Variants in IQUB observed in about 807,000 individuals in gnomAD.
IQUB encodes IQ motif and ubiquitin-like domain-containing protein.
IQUB carries 86 observed loss-of-function variants against 86.4 expected under a neutral mutation model. The ratio of observed to expected loss-of-function variants is 1.00; its 90% CI spans 0.84 to 1.19. The LOEUF is 1.19. Among genes scored for constraint, IQUB ranks in the 50% most tolerant of loss-of-function variants. The pLI is 0.00. For synonymous variants in IQUB, 289 were observed against 304.5 expected, an observed-to-expected ratio of 0.95 and a Z score of 0.53; for missense variants, 946 against 916.9, an observed-to-expected ratio of 1.03 and a Z score of -0.41.
chr7:123,522,507 T>C (rs1251599419), intron 1 of IQUB, among the ~76,000 whole-genome samples: 1 of 152,202 alleles, frequency 6.6e-6, no homozygotes, highest in Non-Finnish European at 1.5e-5. Context: ...AACATCAAAG[T>C]TTCTTCCAAG....
At chr7:123,489,344 T>G (rs893780545) in intron 7 of IQUB, among the ~76,000 whole-genome samples, 1 of 152,156 alleles carries the variant, frequency 6.6e-6, no homozygotes, top group African/African-American at 2.4e-5. Flanking sequence ...TGAAGTGATG[T>G]GCAGGTTTTC....
chr7:123,527,332 A>G (rs1797279336), intron 1 of IQUB, among the ~76,000 whole-genome samples: 1 of 152,194 alleles, frequency 6.6e-6, no homozygotes, highest in African/African-American at 2.4e-5. Context: ...GTCATTCTCC[A>G]TCCAGCTTTG....
At chr7:123,470,251 G>T (rs1019732653) in intron 8 of IQUB, among the ~76,000 whole-genome samples, 72 of 152,312 alleles carry the variant, frequency 4.7e-4, no homozygotes, top group Non-Finnish European at 6.8e-4. Flanking sequence ...AAATTTCACA[G>T]TGAACACTTA....
At chr7:123,513,252 C>A (rs1796507804) in intron 1 of IQUB, among the ~76,000 whole-genome samples, 1 of 152,142 alleles carries the variant, frequency 6.6e-6, no homozygotes, top group African/African-American at 2.4e-5. Context: ...ATGGAAATAT[C>A]TGCAATAAAA....
At chr7:123,468,554 T>C (rs559262714) in intron 9 of IQUB, among the ~76,000 whole-genome samples, 32 of 152,360 alleles carry the variant, frequency 2.1e-4, no homozygotes, top group African/African-American at 7.0e-4. Flanking sequence ...GTGGTCAAAA[T>C]TGTCCTGGCC....
chr7:123,454,316 TTATGA>T (rs1223316910), intron 12 of IQUB, among the ~76,000 whole-genome samples: 8 of 152,060 alleles, frequency 5.3e-5, no homozygotes, highest in Admixed American at 3.3e-4. Context: ...ATGAGATAAA[TTATGA>T]TATATGTGTT....
chr7:123,469,611 T>G (rs1156738467), intron 8 of IQUB, among the ~76,000 whole-genome samples: 2 of 152,188 alleles, frequency 1.3e-5, no homozygotes, highest in Non-Finnish European at 2.9e-5. Flanking sequence ...TTCATACACT[T>G]CTACAATATT....
At position 123,455,034 on chromosome 7, in the gene IQUB, T is replaced by C. The variant is rs141531799; in HGVS notation, c.2194-2109A>G. Among the ~76,000 whole-genome samples, 191 of 152,290 alleles carry C rather than the reference T, an allele frequency of 1.3e-3. 1 individual carries two copies. The highest frequency in any genetic ancestry group is 4.2e-3 in the African/African-American group (176 of 41,592). On this transcript the variant is annotated intron_variant, in intron 12 of 12. Transcript: ENST00000324698. ...CATCTCCTTAAGAGTGGAGAGTATC[T>C]ACATAAATTATTTGGAATTCTACAT...
At chr7:123,466,741 G>A (rs527255639) in intron 9 of IQUB, among the ~76,000 whole-genome samples, 1 of 152,130 alleles carries the variant, frequency 6.6e-6, no homozygotes, top group African/African-American at 2.4e-5. Context: ...TCTCAGGTTT[G>A]TAATCATGTA....
intron 1 of IQUB, among the ~76,000 whole-genome samples, chr7:123,522,631 CTAA>C (rs1796958876): frequency 6.6e-6 from 1 of 152,060 alleles, no homozygotes; most frequent in Non-Finnish European, 1.5e-5. Context: ...TTCCAAATGG[CTAA>C]TGATAATTAT....
chr7:123,481,568 C>A (rs1205928079), intron 7 of IQUB, among the ~76,000 whole-genome samples: 9 of 152,012 alleles, frequency 5.9e-5, no homozygotes, highest in Admixed American at 5.9e-4. Context: ...GCAGATACTA[C>A]CAAATAAATG....
rs986217972 is a variant in IQUB at position 123,499,317 on chromosome 7, C to T, written c.1024-2411G>A. Among the ~76,000 whole-genome samples, 3 of 151,944 alleles carry T rather than the reference C, an allele frequency of 2.0e-5. No homozygotes were observed. The South Asian group carries it at 6.2e-4, about 32-fold the overall frequency. ...TAGAGACAGGGTTTCACCAAGTTGC[C>T]GAGCTTGGTCTCCAACTCCTGGCCT... On this transcript the variant is annotated intron_variant, in intron 6 of 12. Coordinates refer to ENST00000324698, the MANE Select transcript of IQUB (RefSeq NM_178827.5).
At chr7:123,523,916 C>A (rs532971310) in intron 1 of IQUB, among the ~76,000 whole-genome samples, 1,803 of 152,100 alleles carry the variant, frequency 0.012, 28 homozygotes, top group African/African-American at 0.04. Flanking sequence ...TCAGCTTTCT[C>A]CATATGGCTA....
At chr7:123,532,286 C>T (rs1374181617) in intron 1 of IQUB, 2 of 152,014 alleles carry the variant, frequency 1.3e-5, no homozygotes, top group African/African-American at 4.8e-5. Context: ...AAATATTAGG[C>T]GTTCATTTAA....
At chr7:123,469,157 TA>T (rs1266553781) in intron 9 of IQUB, 56 bp downstream of exon 9, 1 of 1,176,308 alleles carries the variant, frequency 8.5e-7, no homozygotes. Flanking sequence ...AGTATTTCAT[TA>T]ATTTTTTTTT....
intron 12 of IQUB, chr7:123,457,033 A>G: frequency 7.1e-6 from 2 of 282,592 alleles, no homozygotes; most frequent in Non-Finnish European, 5.3e-6. Context: ...ATACTTATAA[A>G]CTCCATTCTG....
intron 10 of IQUB, among the ~76,000 whole-genome samples, chr7:123,464,402 ATC>A (rs1794149340): frequency 6.6e-6 from 1 of 151,932 alleles, no homozygotes; most frequent in Non-Finnish European, 1.5e-5. Flanking sequence ...ATAACATGGA[ATC>A]TCAGAAAAAA....
chr7:123,508,159 G>C (rs1796269180), intron 3 of IQUB, among the ~76,000 whole-genome samples: 1 of 152,186 alleles, frequency 6.6e-6, no homozygotes, highest in Admixed American at 6.5e-5. Context: ...AGATGCTACA[G>C]TTCTGGCTTT....
At chr7:123,463,510 A>C (rs1038769956) in intron 10 of IQUB, among the ~76,000 whole-genome samples, 6 of 151,960 alleles carry the variant, frequency 3.9e-5, no homozygotes, top group South Asian at 4.1e-4. Flanking sequence ...GCAATATGCT[A>C]AGTGAAAGAA....
Sources: allele counts gnomAD v4.1 joint callset (sites outside exome capture counted in the v4.1 genomes callset), GRCh38; gene constraint gnomAD v4.1.1; transcripts MANE v1.5; gene names NCBI Gene and HGNC (gene_info 2026-07-23, HGNC 2026-07-21).